PCDH7: variants seen among roughly 807,000 people sequenced by gnomAD.
The protein encoded by PCDH7 is protocadherin 7.
In PCDH7, 17 loss-of-function variants were observed where a neutral mutation model predicts 58.9. That is an observed-to-expected ratio of 0.29 (90% CI 0.20 to 0.43). PCDH7 has a LOEUF of 0.43. PCDH7 is among the 20% of genes least tolerant of loss of function. The probability of loss-of-function intolerance (pLI) is 1.00; values close to 1 mark genes in which losing one functional copy is unlikely to be tolerated. For missense variants in PCDH7, 1,274 were observed against 1,441.0 expected, an observed-to-expected ratio of 0.88 and a Z score of 1.88; for synonymous variants, 664 against 616.4, an observed-to-expected ratio of 1.08 and a Z score of -1.14.
chr4:30,902,157 A>G (rs150107518), intron 1 of PCDH7, among the ~76,000 whole-genome samples: 4 of 152,262 alleles, frequency 2.6e-5, no homozygotes, highest in East Asian at 3.9e-4. Context: ...AATTACTAAG[A>G]AGGCTTTGCC....
chr4:30,766,074 G>T lies in PCDH7; in HGVS notation c.70+41478G>T, dbSNP rs552577684. Among the ~76,000 whole-genome samples the T allele has an allele frequency of 4.6e-5, 7 of 151,442 alleles. 1 individual carries two copies. Among genetic ancestry groups the T allele is most frequent in the African/African-American group, 1.7e-4 (7 of 41,176 alleles). On this transcript the variant is annotated intron_variant, in intron 1 of 3. Coordinates refer to the PCDH7 transcript ENST00000509759. ...AAGACGTCACAGGAAAAGTGGCTGG[G>T]GACACTGTGCCAGACAGATCTCTCC...
At chr4:31,016,905 T>C (rs190433908) in intron 3 of PCDH7, among the ~76,000 whole-genome samples, 48 of 150,596 alleles carry the variant, frequency 3.2e-4, no homozygotes, top group Admixed American at 6.6e-4. Flanking sequence ...TGGGTGTGTG[T>C]GTGTGCTGTG....
intron 3 of PCDH7, among the ~76,000 whole-genome samples, chr4:31,134,979 G>C (rs944865182): frequency 3.9e-5 from 6 of 152,192 alleles, no homozygotes; most frequent in African/African-American, 1.4e-4. Flanking sequence ...TCGACAGTAA[G>C]AGTAGTAATG....
chr4:31,013,995 T>C (rs1039214185), intron 3 of PCDH7, among the ~76,000 whole-genome samples: 5 of 152,244 alleles, frequency 3.3e-5, no homozygotes, highest in African/African-American at 1.2e-4. Context: ...AAAGAAATCA[T>C]ACAGCAATAA....
chr4:30,736,621 C>T (rs1402368749), downstream of PCDH7, among the ~76,000 whole-genome samples: 2 of 150,890 alleles, frequency 1.3e-5, no homozygotes, highest in African/African-American at 2.4e-5. Flanking sequence ...CTGCAAGCTC[C>T]GCCTCCCGGA....
chr4:30,847,827 TC>T (rs1350308297), intron 1 of PCDH7, among the ~76,000 whole-genome samples: 1 of 152,162 alleles, frequency 6.6e-6, no homozygotes, highest in Non-Finnish European at 1.5e-5. Context: ...TCACTAGCAC[TC>T]TTCCTTTATT....
At chr4:30,745,084 AC>A (rs1717593784) in intron 1 of PCDH7, among the ~76,000 whole-genome samples, 3 of 152,208 alleles carry the variant, frequency 2.0e-5, no homozygotes, top group African/African-American at 4.8e-5. Context: ...TTCCAAAAAA[AC>A]AAGGAGTTTA....
intron 3 of PCDH7, among the ~76,000 whole-genome samples, chr4:31,027,018 C>A (rs990959624): frequency 6.6e-6 from 1 of 152,174 alleles, no homozygotes; most frequent in Non-Finnish European, 1.5e-5. Context: ...TTTTAAAAAA[C>A]TAATCTAATG....
chr4:30,905,870 A>G (rs1053390243), intron 1 of PCDH7, among the ~76,000 whole-genome samples: 2 of 152,210 alleles, frequency 1.3e-5, no homozygotes, highest in East Asian at 1.9e-4. Context: ...TACATTTTAG[A>G]TAAATGAGAT....
At chr4:30,894,299 G>T (rs1739002043) in intron 1 of PCDH7, among the ~76,000 whole-genome samples, 1 of 150,382 alleles carries the variant, frequency 6.6e-6, no homozygotes, top group Non-Finnish European at 1.5e-5. Flanking sequence ...TATTAAGTCG[G>T]GGAGTTGTTA....
chr4:30,892,714 A>G (rs1247097621), intron 1 of PCDH7, among the ~76,000 whole-genome samples: 1 of 152,068 alleles, frequency 6.6e-6, no homozygotes, highest in Non-Finnish European at 1.5e-5. Context: ...TGGCATAATA[A>G]TATGTTAATA....
At chr4:30,826,900 A>AT (rs1026013562) in intron 1 of PCDH7, among the ~76,000 whole-genome samples, 32 of 151,578 alleles carry the variant, frequency 2.1e-4, no homozygotes, top group African/African-American at 5.8e-4. Context: ...TAATTTCTGT[A>AT]TTTTTTTTGT....
intron 3 of PCDH7, among the ~76,000 whole-genome samples, chr4:31,023,244 C>T (rs1754169568): frequency 6.6e-6 from 1 of 152,138 alleles, no homozygotes; most frequent in Non-Finnish European, 1.5e-5. Flanking sequence ...ATTGGCAACA[C>T]CAGAATCGCA....
intron 3 of PCDH7, among the ~76,000 whole-genome samples, chr4:31,033,914 T>A (rs1755169371): frequency 6.6e-6 from 1 of 152,062 alleles, no homozygotes; most frequent in South Asian, 2.1e-4. Context: ...GCCAACATGG[T>A]GAAACCCCAT....
At chr4:30,815,393 G>A (rs968524242) in intron 1 of PCDH7, among the ~76,000 whole-genome samples, 1 of 152,152 alleles carries the variant, frequency 6.6e-6, no homozygotes, top group Non-Finnish European at 1.5e-5. Context: ...ACAAAAGGAA[G>A]TAAACTACAC....
chr4:30,730,314 T>C (rs551096703), intron 1 of PCDH7, among the ~76,000 whole-genome samples: 44 of 152,188 alleles, frequency 2.9e-4, no homozygotes, highest in African/African-American at 1.0e-3. Context: ...AAAAAACCCA[T>C]AGAATCTTTT....
At chr4:30,865,431 C>G (rs1167578644) in intron 1 of PCDH7, among the ~76,000 whole-genome samples, 3 of 151,902 alleles carry the variant, frequency 2.0e-5, no homozygotes, top group Non-Finnish European at 4.4e-5. Flanking sequence ...GTTCCCATCC[C>G]TAAGGGTTCT....
intron 3 of PCDH7, among the ~76,000 whole-genome samples, chr4:31,127,264 T>C (rs1718421540): frequency 6.6e-6 from 1 of 152,198 alleles, no homozygotes; most frequent in Non-Finnish European, 1.5e-5. Context: ...CACGCTTTTC[T>C]TAAGTCATCT....
intron 3 of PCDH7, among the ~76,000 whole-genome samples, chr4:30,984,052 G>C (rs1373042556): frequency 3.3e-5 from 5 of 152,162 alleles, no homozygotes; most frequent in Non-Finnish European, 7.3e-5. Flanking sequence ...AGAAACAACT[G>C]TGTTCATGTT....
Sources: allele counts gnomAD v4.1 joint callset (sites outside exome capture counted in the v4.1 genomes callset), GRCh38; gene constraint gnomAD v4.1.1; transcripts MANE v1.5; gene names NCBI Gene and HGNC (gene_info 2026-07-23, HGNC 2026-07-21).